Variants in SLC35F4 observed in about 807,000 individuals in gnomAD.
SLC35F4 encodes solute carrier family 35 member F4.
Under a neutral mutation model 44.2 loss-of-function variants are expected in SLC35F4, and 24 were observed. The ratio of observed to expected loss-of-function variants is 0.54; its 90% CI spans 0.39 to 0.76. The LOEUF (loss-of-function observed/expected upper bound fraction) is 0.76. SLC35F4 is among the 30% of genes least tolerant of loss of function. The pLI is 0.00. For missense variants in SLC35F4, 562 were observed against 586.1 expected (o/e 0.96, Z 0.42); for synonymous variants, 238 against 223.6 (o/e 1.06, Z -0.57).
chr14:57,628,948 G>A (rs535089355), intron 1 of SLC35F4, among the ~76,000 whole-genome samples: 106 of 152,210 alleles, frequency 7.0e-4, no homozygotes, highest in Non-Finnish European at 1.3e-3. Context: ...CCCTGAGAAT[G>A]AACAGTGATG....
At chr14:57,720,845 T>C (rs2076066470) in intron 1 of SLC35F4, among the ~76,000 whole-genome samples, 1 of 151,916 alleles carries the variant, frequency 6.6e-6, no homozygotes, top group Non-Finnish European at 1.5e-5. Flanking sequence ...CTTTCTCTCA[T>C]GCTGGATGCT....
intron 1 of SLC35F4, among the ~76,000 whole-genome samples, chr14:57,820,193 A>C (rs1883016743): frequency 1.3e-5 from 2 of 152,190 alleles, no homozygotes; most frequent in Admixed American, 1.3e-4. Context: ...ATTTTTAATG[A>C]ATTTTTGCTA....
chr14:57,951,755 G>T (rs1052263457), intron 1 of SLC35F4, among the ~76,000 whole-genome samples: 1 of 152,212 alleles, frequency 6.6e-6, no homozygotes, highest in African/African-American at 2.4e-5. Flanking sequence ...TCTCGGCAGG[G>T]CATCTCTAAA....
chr14:57,620,424 C>T (rs2072115282), intron 1 of SLC35F4, among the ~76,000 whole-genome samples: 1 of 152,182 alleles, frequency 6.6e-6, no homozygotes, highest in South Asian at 2.1e-4. Context: ...CCCAGAATTT[C>T]ATATCCAGCC....
At chr14:57,844,793 T>C (rs1261352011) in intron 1 of SLC35F4, among the ~76,000 whole-genome samples, 3 of 152,100 alleles carry the variant, frequency 2.0e-5, no homozygotes, top group Non-Finnish European at 4.4e-5. Context: ...GGAGCGGGCA[T>C]CCCCTTGTCC....
chr14:57,982,780 T>C (rs543715915), upstream of SLC35F4, among the ~76,000 whole-genome samples: 1 of 152,324 alleles, frequency 6.6e-6, no homozygotes, highest in Admixed American at 6.5e-5. Context: ...CACTCTTATT[T>C]AAATGATACC....
At chr14:57,682,881 C>G (rs1302181752) in intron 1 of SLC35F4, among the ~76,000 whole-genome samples, 2 of 152,008 alleles carry the variant, frequency 1.3e-5, no homozygotes, top group Non-Finnish European at 2.9e-5. Context: ...TTAATGCACT[C>G]CATTTCAACA....
intron 1 of SLC35F4, among the ~76,000 whole-genome samples, chr14:57,904,700 G>T (rs1176558951): frequency 6.6e-6 from 1 of 152,132 alleles, no homozygotes; most frequent in Non-Finnish European, 1.5e-5. Context: ...CCGCTAGGTG[G>T]ATACCGTTAT....
chr14:57,749,621 G>T (rs2076836423), intron 1 of SLC35F4, among the ~76,000 whole-genome samples: 2 of 152,104 alleles, frequency 1.3e-5, no homozygotes, highest in Admixed American at 6.6e-5. Flanking sequence ...CTTCCCATTT[G>T]TCCCTGGTAC....
chr14:57,629,720 G>T, intron 1 of SLC35F4: 1 of 250,374 alleles, frequency 4.0e-6, no homozygotes, highest in South Asian at 5.4e-5. Flanking sequence ...GATCTGTATA[G>T]TTGCTAGATA....
At chr14:57,964,468 T>C (rs1019851603) in intron 1 of SLC35F4, among the ~76,000 whole-genome samples, 1 of 152,202 alleles carries the variant, frequency 6.6e-6, no homozygotes, top group Non-Finnish European at 1.5e-5. Flanking sequence ...TCTCTCAAAA[T>C]GCTTCAAAGT....
chr14:57,664,993 A>G (rs957610274), intron 1 of SLC35F4, among the ~76,000 whole-genome samples: 4 of 152,060 alleles, frequency 2.6e-5, no homozygotes, highest in Non-Finnish European at 2.9e-5. Context: ...TGTGCTCCCC[A>G]TTTCTGGGTG....
intron 1 of SLC35F4, among the ~76,000 whole-genome samples, chr14:57,860,423 G>T (rs1163570531): frequency 6.6e-6 from 1 of 152,110 alleles, no homozygotes; most frequent in African/African-American, 2.4e-5. Context: ...GGGAAGGTGG[G>T]ACTGTTTGGA....
At chr14:57,676,467 G>A (rs2074696656) in intron 1 of SLC35F4, among the ~76,000 whole-genome samples, 2 of 152,086 alleles carry the variant, frequency 1.3e-5, no homozygotes, top group Admixed American at 6.6e-5. Flanking sequence ...AGCTATGCCT[G>A]CAGGGCTTAA....
chr14:57,750,945 T>C (rs911378802), intron 1 of SLC35F4, among the ~76,000 whole-genome samples: 1 of 152,190 alleles, frequency 6.6e-6, no homozygotes, highest in African/African-American at 2.4e-5. Context: ...CAACAAGGCT[T>C]TGGATTCAGA....
chr14:57,705,607 A>G (rs1378683236), intron 1 of SLC35F4, among the ~76,000 whole-genome samples: 1 of 152,076 alleles, frequency 6.6e-6, no homozygotes, highest in Non-Finnish European at 1.5e-5. Context: ...GAGTAGCCCC[A>G]CTTCCATGAC....
chr14:57,933,056 T>G (rs1374572462), intron 1 of SLC35F4, among the ~76,000 whole-genome samples: 2 of 148,704 alleles, frequency 1.3e-5, no homozygotes, highest in Non-Finnish European at 3.0e-5. Flanking sequence ...TTTTTTTTTT[T>G]TAAGAGTCTT....
intron 1 of SLC35F4, among the ~76,000 whole-genome samples, chr14:57,764,331 C>G (rs1037678640): frequency 6.6e-6 from 1 of 152,128 alleles, no homozygotes; most frequent in African/African-American, 2.4e-5. Flanking sequence ...AAGAGAGCCA[C>G]TTTGGTTTAT....
chr14:57,714,918 T>G (rs2075902010), intron 1 of SLC35F4, among the ~76,000 whole-genome samples: 1 of 151,674 alleles, frequency 6.6e-6, no homozygotes, highest in Non-Finnish European at 1.5e-5. Context: ...ATGCAAAGAG[T>G]GGGAAGATGA....
Sources: gnomAD v4.1 joint callset for allele counts (sites outside exome capture counted in the v4.1 genomes callset) on GRCh38, gnomAD v4.1.1 for gene constraint, MANE v1.5 for transcripts, NCBI Gene and HGNC (gene_info 2026-07-23, HGNC 2026-07-21) for gene names.